Variants in MBD5 observed in about 807,000 individuals in gnomAD.
MBD5 encodes the protein methyl-CpG binding domain protein 5.
Under a neutral mutation model 117.3 loss-of-function variants are expected in MBD5, and 13 were observed. The ratio of observed to expected loss-of-function variants is 0.11; its 90% CI spans 0.07 to 0.18. The LOEUF is 0.18. Among genes scored for constraint, MBD5 ranks in the 10% least tolerant of loss-of-function variants. The probability of loss-of-function intolerance (pLI) is 1.00; values close to 1 mark genes in which losing one functional copy is unlikely to be tolerated. For synonymous variants in MBD5, 727 were observed against 766.4 expected, an observed-to-expected ratio of 0.95 and a Z score of 0.85; for missense variants, 1,879 against 2,093.8, an observed-to-expected ratio of 0.90 and a Z score of 2.00.
rs545819243 is a variant in MBD5 at position 148,312,581 on chromosome 2, G to C, written c.-679-29633G>C. Among the ~76,000 whole-genome samples, 3 of 152,190 alleles carry C rather than the reference G, an allele frequency of 2.0e-5. No homozygotes were observed. The East Asian group carries it at 5.8e-4, about 29-fold the overall frequency. On this transcript the variant is annotated intron_variant, in intron 3 of 13. Transcript: ENST00000642680. ...TTTTTTCAAGGTCCTTAGCTTCCTT[G>C]CATTGGGTTAGAACATGCTCCTTTA...
intron 8 of MBD5, among the ~76,000 whole-genome samples, chr2:148,481,983 T>A (rs1465570506): frequency 6.6e-6 from 1 of 152,174 alleles, no homozygotes; most frequent in South Asian, 2.1e-4. Flanking sequence ...ATTTAAAAAA[T>A]CATAAGTACA....
Position 148,470,476 on chromosome 2 carries a change from G to GA in MBD5, c.2518+21dup, listed in dbSNP as rs879221487. The GA allele has an allele frequency of 6.4e-7, 1 of 1,569,484 alleles. No homozygotes were observed. The highest frequency in any genetic ancestry group is 1.2e-5 in the South Asian group (1 of 83,422). On this transcript the variant is annotated intron_variant, in intron 8 of 13. Transcript: ENST00000642680. ...TTCTGAAGCAGGTATGGTTTTATTAGAAAAAAGTACCCAAAGGTACTAAAC... is the reference window on the plus strand; with the variant it reads ...TTCTGAAGCAGGTATGGTTTTATTAGAAAAAAAGTACCCAAAGGTACTAAAC...
chr2:148,090,652 G>A (rs1422725775), intron 1 of MBD5, among the ~76,000 whole-genome samples: 1 of 151,924 alleles, frequency 6.6e-6, no homozygotes, highest in Non-Finnish European at 1.5e-5. Flanking sequence ...ATTTTTTTAT[G>A]ATTAAAATCC....
In MBD5 at chr2:148,469,108, G is replaced by A. The variant is rs2105629940; in HGVS notation, c.1165G>A (p.Val389Ile). ...TSFHSNVHSQ[V>I]PMMNVSMPPA... is the part of the protein sequence containing the mutation. ...TTTCCATTCAAATGTCCACTCTCAG[G>A]TACCTATGATGAATGTAAGCATGCC... Residue 389 changes from valine (V) to isoleucine (I), a missense_variant, in exon 8 of 14, where the codon GTA becomes ATA. Around this residue, in one of 4 missense-constraint regions of MBD5, gnomAD observed 1,666 missense variants for 1,792.2 expected, o/e 0.93. Coordinates refer to ENST00000642680, the MANE Select transcript of MBD5 (RefSeq NM_001378120.1). 2.5e-6 allele frequency: 4 copies of A among 1,613,948 alleles called. No homozygotes were observed. Among genetic ancestry groups the A allele is most frequent in the Non-Finnish European group, 3.4e-6 (4 of 1,179,938 alleles).
chr2:148,492,152 T>G (rs1473509057), intron 11 of MBD5, among the ~76,000 whole-genome samples: 1 of 151,622 alleles, frequency 6.6e-6, no homozygotes, highest in Non-Finnish European at 1.5e-5. Flanking sequence ...AGGTATTCAC[T>G]GATGTTAGGG....
At chr2:148,085,606 C>A (rs1418700418) in intron 1 of MBD5, among the ~76,000 whole-genome samples, 4 of 150,790 alleles carry the variant, frequency 2.7e-5, no homozygotes, top group African/African-American at 9.7e-5. Flanking sequence ...CGCCTGTAGT[C>A]CCAGCTACTT....
At chr2:148,198,384 T>A (rs1471821032) in intron 2 of MBD5, among the ~76,000 whole-genome samples, 1 of 152,128 alleles carries the variant, frequency 6.6e-6, no homozygotes, top group Non-Finnish European at 1.5e-5. Flanking sequence ...GCTTCCTCTG[T>A]AAATGGGAAT....
intron 4 of MBD5, among the ~76,000 whole-genome samples, chr2:148,361,053 A>T (rs1338105381): frequency 6.6e-6 from 1 of 152,074 alleles, no homozygotes; most frequent in Non-Finnish European, 1.5e-5. Flanking sequence ...TAAGAAAAAA[A>T]GTGCTGGGTT....
At position 148,170,510 on chromosome 2, in the gene MBD5, T is replaced by C. The variant is rs151146662; in HGVS notation, c.-924-8190T>C. Among the ~76,000 whole-genome samples, 498 of 152,362 alleles carry C rather than the reference T, an allele frequency of 3.3e-3. 7 individuals carry two copies. The highest frequency in any genetic ancestry group is 0.011 in the African/African-American group (475 of 41,590). ...TGATTTCTGTTGAAATAAAGGATTC[T>C]TTGCGGTTTTATTTTATTTTATAAC... On this transcript the variant is annotated intron_variant, in intron 1 of 13. Transcript: ENST00000642680.
intron 3 of MBD5, among the ~76,000 whole-genome samples, chr2:148,292,545 T>C (rs1701522983): frequency 6.6e-6 from 1 of 152,152 alleles, no homozygotes; most frequent in Non-Finnish European, 1.5e-5. Flanking sequence ...TAAAATGACT[T>C]ATATCCAAAA....
intron 4 of MBD5, among the ~76,000 whole-genome samples, chr2:148,388,526 T>C (rs1353853761): frequency 6.6e-6 from 1 of 152,232 alleles, no homozygotes; most frequent in East Asian, 1.9e-4. Flanking sequence ...ACATATTTTA[T>C]ACATCATATA....
At chr2:148,116,948 C>T (rs1194963997) in intron 1 of MBD5, among the ~76,000 whole-genome samples, 17 of 152,128 alleles carry the variant, frequency 1.1e-4, no homozygotes, top group Admixed American at 1.1e-3. Context: ...GTATGATGAA[C>T]TGGTAGAATG....
At chr2:148,312,354 A>G (rs1373382245) in intron 3 of MBD5, among the ~76,000 whole-genome samples, 1 of 151,924 alleles carries the variant, frequency 6.6e-6, no homozygotes, top group Non-Finnish European at 1.5e-5. Context: ...GTTCCTTTTC[A>G]TTCTTTTTTC....
chr2:148,229,289 T>G (rs970841427), intron 2 of MBD5, among the ~76,000 whole-genome samples: 4 of 152,170 alleles, frequency 2.6e-5, no homozygotes, highest in African/African-American at 9.7e-5. Flanking sequence ...TTGATGCATT[T>G]TTCAATATGG....
At chr2:148,452,180 T>A (rs1706748376) in intron 4 of MBD5, among the ~76,000 whole-genome samples, 1 of 152,188 alleles carries the variant, frequency 6.6e-6, no homozygotes. Flanking sequence ...TTACTTCATG[T>A]TGTTTTGAGT....
In MBD5 at chr2:148,479,722, T is replaced by TG. The variant is rs919049285; in HGVS notation, c.2519-3388_2519-3387insG. ...ATCTACTTTATTATGTCTTTGTTGT[T>TG]TTTTTTTTTTTTATCATCTTGCTTC... On this transcript the variant is annotated intron_variant, in intron 8 of 13. Coordinates refer to ENST00000642680, the MANE Select transcript of MBD5 (RefSeq NM_001378120.1). 3.7e-4 allele frequency among the ~76,000 whole-genome samples: 51 copies of TG among 138,258 alleles called. 1 individual carries two copies. The highest frequency in any genetic ancestry group is 3.5e-3 in the Middle Eastern group (1 of 282). 90.7% of individuals were successfully genotyped at this position (138,258 alleles called of 152,430 possible).
At chr2:148,294,511 T>TTTTGTTTTTTTTTTTGTTTTGTTTTG (rs1559009568) in intron 3 of MBD5, among the ~76,000 whole-genome samples, 3 of 142,022 alleles carry the variant, frequency 2.1e-5, no homozygotes, top group African/African-American at 8.2e-5. Flanking sequence ...GTTTTTTTTT[T>TTTTGTTTTTTTTTTTGTTTTGTTTTG]TTTTTTTTTT....
intron 2 of MBD5, among the ~76,000 whole-genome samples, chr2:148,181,618 C>A (rs927227623): frequency 1.3e-4 from 20 of 152,060 alleles, no homozygotes; most frequent in African/African-American, 3.6e-4. Flanking sequence ...TCATCATATA[C>A]CTGTTGGCCT....
rs1018435067 is a variant in MBD5, at chr2:148,021,254, C to T, written c.-1355C>T. 4 of 284,632 alleles carry T rather than the reference C, an allele frequency of 1.4e-5. No homozygotes were observed. Among genetic ancestry groups the T allele is most frequent in the Non-Finnish European group, 2.8e-5 (4 of 140,590 alleles). The allele number at this position is 284,632 out of a possible 1,614,324, so 17.6% of individuals were successfully genotyped here. On this transcript the variant is annotated 5_prime_UTR_variant, in exon 1 of 14. Coordinates refer to ENST00000642680, the MANE Select transcript of MBD5 (RefSeq NM_001378120.1). ...GGGGGAAGGCGGCTGAGTTCCTTCCCCCACCCTCCAGCCCTGAGCCCTGAG... is the reference window on the plus strand; with the variant it reads ...GGGGGAAGGCGGCTGAGTTCCTTCCTCCACCCTCCAGCCCTGAGCCCTGAG...
Sources: allele counts gnomAD v4.1 joint callset (sites outside exome capture counted in the v4.1 genomes callset), GRCh38; gene constraint gnomAD v4.1.1; regional missense constraint gnomAD v4.1.1; transcripts MANE v1.5; gene names NCBI Gene and HGNC (gene_info 2026-07-23, HGNC 2026-07-21).